KIAA1217: variants seen among roughly 807,000 people sequenced by gnomAD.
KIAA1217 encodes the protein KIAA1217.
A neutral mutation model predicts 163.9 loss-of-function variants in KIAA1217; 88 were observed. The ratio of observed to expected loss-of-function variants is 0.54; its 90% CI spans 0.45 to 0.64. KIAA1217 has a LOEUF of 0.64. Among genes scored for constraint, KIAA1217 ranks in the 30% least tolerant of loss-of-function variants. The pLI is 0.00. For missense variants in KIAA1217, 2,372 were observed against 2,475.0 expected, an observed-to-expected ratio of 0.96 and a Z score of 0.88; for synonymous variants, 903 against 923.1, an observed-to-expected ratio of 0.98 and a Z score of 0.39.
chr10:24,430,162 C>A (rs972137446), intron 3 of KIAA1217, among the ~76,000 whole-genome samples: 1 of 152,134 alleles, frequency 6.6e-6, no homozygotes, highest in African/African-American at 2.4e-5. Context: ...CACATACACA[C>A]AAAAGTTTGT....
chr10:24,203,963 C>T (rs4276999), upstream of KIAA1217, among the ~76,000 whole-genome samples: 9,187 of 152,248 alleles, frequency 0.06, 441 homozygotes, highest in African/African-American at 0.13. Context: ...GCTGTGCACA[C>T]GGGGTCTTTG....
chr10:24,520,675 T>TATATAC (rs1411092462), intron 11 of KIAA1217, among the ~76,000 whole-genome samples: 13 of 77,494 alleles, frequency 1.7e-4, no homozygotes, highest in African/African-American at 6.9e-4. Context: ...TATATATATA[T>TATATAC]ACACACACAC....
chr10:24,257,779 C>T (rs1360363348), intron 2 of KIAA1217, among the ~76,000 whole-genome samples: 1 of 152,108 alleles, frequency 6.6e-6, no homozygotes, highest in Non-Finnish European at 1.5e-5. Flanking sequence ...GTGCATGACC[C>T]TGCTTGAGAA....
intron 2 of KIAA1217, among the ~76,000 whole-genome samples, chr10:24,173,173 C>A (rs892386556): frequency 1.3e-5 from 2 of 152,116 alleles, no homozygotes; most frequent in Non-Finnish European, 2.9e-5. Flanking sequence ...GGAGTGTGAA[C>A]CTGATTGTGA....
At chr10:24,423,211 CT>C (rs1010359091) in intron 3 of KIAA1217, among the ~76,000 whole-genome samples, 1 of 152,082 alleles carries the variant, frequency 6.6e-6, no homozygotes, top group Non-Finnish European at 1.5e-5. Context: ...GCCACTGCCC[CT>C]GGCCTAGATT....
intron 2 of KIAA1217, among the ~76,000 whole-genome samples, chr10:24,355,106 G>A (rs1442776520): frequency 6.6e-6 from 1 of 152,182 alleles, no homozygotes; most frequent in Non-Finnish European, 1.5e-5. Context: ...GTTCAGCATT[G>A]AGCTGTCCCA....
Position 24,501,559 on chromosome 10 carries a change from A to C in KIAA1217, c.2001+14A>C, listed in dbSNP as rs2067582412. 1.2e-6 allele frequency: 2 copies of C among 1,608,128 alleles called. No individual in the cohort carries two copies. Among genetic ancestry groups the C allele is most frequent in the African/African-American group, 1.3e-5 (1 of 74,634 alleles). On this transcript the variant is annotated intron_variant, in intron 9 of 20. Transcript: ENST00000376454. ...CGGCAGCTCCAGGTATTCCTCATGC[A>C]CGGCGGCCTCTGTCTCGGTTGCCCT...
At chr10:23,884,134 A>G (rs1841072835) in intron 1 of KIAA1217, among the ~76,000 whole-genome samples, 1 of 151,894 alleles carries the variant, frequency 6.6e-6, no homozygotes, top group Non-Finnish European at 1.5e-5. Context: ...CAAGGAATGT[A>G]ATTGCTGGAT....
intron 1 of KIAA1217, among the ~76,000 whole-genome samples, chr10:23,888,396 A>T (rs1404342562): frequency 6.6e-6 from 1 of 151,910 alleles, no homozygotes; most frequent in African/African-American, 2.4e-5. Context: ...CTTTCTAGGG[A>T]GAAGTGAGTG....
At chr10:24,246,227 C>T (rs1343006152) in intron 2 of KIAA1217, among the ~76,000 whole-genome samples, 3 of 152,178 alleles carry the variant, frequency 2.0e-5, no homozygotes, top group African/African-American at 7.2e-5. Context: ...AGAAGACAGA[C>T]TCTCATTTAA....
At chr10:24,338,085 A>C (rs1410196548) in intron 2 of KIAA1217, among the ~76,000 whole-genome samples, 1 of 152,248 alleles carries the variant, frequency 6.6e-6, no homozygotes, top group Admixed American at 6.5e-5. Flanking sequence ...CCAATGCAGC[A>C]TGAGTCTCAA....
intron 2 of KIAA1217, among the ~76,000 whole-genome samples, chr10:24,090,380 A>G (rs545257862): frequency 9.5e-6 from 1 of 105,280 alleles, no homozygotes; most frequent in African/African-American, 4.1e-5. Context: ...GGGTCTTGCT[A>G]TATTACCCAG....
intron 1 of KIAA1217, among the ~76,000 whole-genome samples, chr10:23,943,521 T>C (rs1843872037): frequency 6.6e-6 from 1 of 152,250 alleles, no homozygotes; most frequent in African/African-American, 2.4e-5. Context: ...AGAAAGTCAA[T>C]ATTCTTAAGA....
chr10:24,313,851 T>G lies in KIAA1217; in HGVS notation c.355-67018T>G, dbSNP rs566257738. On this transcript the variant is annotated intron_variant, in intron 2 of 20. Transcript: ENST00000376454. ...TGAACATCCATCTGGTTGTTTTTTT[T>G]TTTTTTTTTTTTGAGTCTCACTCTG... Among the ~76,000 whole-genome samples, 141 of 148,816 alleles carry G rather than the reference T, an allele frequency of 9.5e-4. 3 individuals carry two copies. The South Asian group carries it at 0.031, about 32-fold the overall frequency.
chr10:24,153,173 T>G (rs1317373722), intron 2 of KIAA1217, among the ~76,000 whole-genome samples: 2 of 152,222 alleles, frequency 1.3e-5, no homozygotes, highest in Admixed American at 6.5e-5. Context: ...CTGGGTTGAT[T>G]GGCTACAGCT....
At chr10:23,910,607 A>T (rs1564526186) in intron 1 of KIAA1217, among the ~76,000 whole-genome samples, 1 of 152,198 alleles carries the variant, frequency 6.6e-6, no homozygotes, top group Non-Finnish European at 1.5e-5. Context: ...TCTGAGCCAG[A>T]AAATTAAATC....
chr10:24,544,048 C>G lies in KIAA1217; in HGVS notation c.4778C>G (p.Thr1593Ser). 1 of 1,614,092 alleles carries G rather than the reference C, an allele frequency of 6.2e-7. No homozygotes were observed. Among genetic ancestry groups the G allele is most frequent in the Non-Finnish European group, 8.5e-7 (1 of 1,180,028 alleles). Reference sequence around the variant, plus strand: ...CTCACTCAAGCCATTCGCACCGGAACTAAAACAGGGAAGAAGACTTTGCAA... The same window carrying G: ...CTCACTCAAGCCATTCGCACCGGAAGTAAAACAGGGAAGAAGACTTTGCAA... ...AALTQAIRTG[T>S]KTGKKTLQVV... The change falls in exon 19 of 21, where the codon ACT (threonine) becomes AGT (serine). Residue 1593 changes from threonine to serine, a missense_variant. Around this residue, in one of 3 missense-constraint regions of KIAA1217, gnomAD observed 690 missense variants for 677.5 expected, o/e 1.02. Coordinates refer to ENST00000376454, the MANE Select transcript of KIAA1217 (RefSeq NM_019590.5).
chr10:24,272,648 T>C (rs896530465), intron 2 of KIAA1217, among the ~76,000 whole-genome samples: 1 of 152,218 alleles, frequency 6.6e-6, no homozygotes, highest in Admixed American at 6.5e-5. Flanking sequence ...GTTCAAATAG[T>C]CATGGATTTA....
intron 2 of KIAA1217, among the ~76,000 whole-genome samples, chr10:24,121,287 G>A (rs1440627227): frequency 6.6e-6 from 1 of 152,166 alleles, no homozygotes; most frequent in Non-Finnish European, 1.5e-5. Context: ...TTTGCTACAT[G>A]TGTTGGTAAT....
Sources: gnomAD v4.1 joint callset for allele counts (sites outside exome capture counted in the v4.1 genomes callset) on GRCh38, gnomAD v4.1.1 for gene constraint, gnomAD v4.1.1 regional missense constraint, MANE v1.5 for transcripts, NCBI Gene and HGNC (gene_info 2026-07-23, HGNC 2026-07-21) for gene names.